The following PLCH2 variants were observed in gnomAD, a reference collection of about 807,000 sequenced individuals.
The protein encoded by PLCH2 is phospholipase C eta 2.
In PLCH2, 98 loss-of-function variants were observed where a neutral mutation model predicts 134.7. The observed-to-expected ratio is 0.73, with a 90% CI of 0.62 to 0.86. PLCH2 has a LOEUF of 0.86. Among genes scored for constraint, PLCH2 ranks in the 40% least tolerant of loss-of-function variants. The pLI is 0.00. For missense variants in PLCH2, 1,994 were observed against 1,986.6 expected (o/e 1.00, Z -0.07); for synonymous variants, 974 against 827.5 (o/e 1.18, Z -3.04).
chr1:2,449,772 G>T (rs1338699562), intron 2 of PLCH2, among the ~76,000 whole-genome samples: 1 of 152,204 alleles, frequency 6.6e-6, no homozygotes, highest in Non-Finnish European at 1.5e-5. Context: ...TATGGGCAGG[G>T]CTGTGTGGCT....
Position 2,491,211 on chromosome 1 carries a change from G to C in PLCH2, c.1535G>C (p.Arg512Pro), listed in dbSNP as rs532800575. The C allele has an allele frequency of 4.3e-6, 7 of 1,612,706 alleles. No individual in the cohort carries two copies. In the Admixed American group the frequency reaches 1.2e-4, roughly 27 times the overall value. The change falls in exon 11 of 22, where the codon CGT (arginine) becomes CCT (proline). Residue 512 changes from arginine to proline, a missense_variant. By Grantham distance (103) the Arg-to-Pro change is moderately radical. Coordinates refer to ENST00000378486, the MANE Select transcript of PLCH2 (RefSeq NM_014638.4). Reference sequence around the variant, plus strand: ...CTGCAGGCATCCACCAATCGAAAGCGTGTAGAAAACACTGCTAAGAGGAAA... The same window carrying C: ...CTGCAGGCATCCACCAATCGAAAGCCTGTAGAAAACACTGCTAAGAGGAAA... Reference protein sequence around the residue: ...LNGDASTNRKRVENTAKRKLD... With the variant: ...LNGDASTNRKPVENTAKRKLD...
intron 13 of PLCH2, 66 bp from the exon 14 acceptor site, chr1:2,496,541 C>G: frequency 1.5e-6 from 2 of 1,349,124 alleles, no homozygotes; most frequent in South Asian, 2.5e-5. Context: ...TGGAGCCCGT[C>G]TCACGGAGCT....
intron 2 of PLCH2, among the ~76,000 whole-genome samples, chr1:2,462,341 A>C (rs1570345785): frequency 3.7e-4 from 10 of 26,790 alleles, no homozygotes; most frequent in African/African-American, 6.1e-4. Context: ...TCTGCCTGAC[A>C]CCCCCTCTGC....
At chr1:2,450,129 A>G (rs867810) in intron 2 of PLCH2, among the ~76,000 whole-genome samples, 93,972 of 152,190 alleles carry the variant, frequency 0.62, 30,725 homozygotes, top group East Asian at 0.87. Flanking sequence ...AGGAACAGGC[A>G]CCCTGGGCAG....
chr1:2,503,642 A>G (rs1643361371), intron 21 of PLCH2: 2 of 694,944 alleles, frequency 2.9e-6, no homozygotes, highest in South Asian at 3.0e-5. Flanking sequence ...GGCGAGTGAC[A>G]GGTAACGGGG....
At chr1:2,489,899 T>C (rs1642477459) in intron 10 of PLCH2, 32 bp downstream of exon 10, 1 of 1,460,600 alleles carries the variant, frequency 6.8e-7, no homozygotes, top group Non-Finnish European at 9.6e-7. Flanking sequence ...GGGGGGCGCG[T>C]GGAGCCTGCA....
At chr1:2,477,290 CT>C (rs1420396710) in intron 1 of PLCH2, among the ~76,000 whole-genome samples, 1 of 152,182 alleles carries the variant, frequency 6.6e-6, no homozygotes, top group Non-Finnish European at 1.5e-5. Context: ...TGCCTCACCC[CT>C]CTCCTAAATC....
Position 2,489,278 on chromosome 1 carries a change from C to A in PLCH2, c.1307C>A (p.Thr436Asn). 1 of 1,613,862 alleles carries A rather than the reference C, an allele frequency of 6.2e-7. No homozygotes were observed. The highest frequency in any genetic ancestry group is 1.1e-5 in the South Asian group (1 of 91,090). ...IQQKKMAQYL[T>N]DILGDKLDLS... ...CAGAAGAAAATGGCCCAGTATCTGA[C>A]TGACATCCTTGGGGACAAGCTGGAC... The change falls in exon 9 of 22, where the codon ACT becomes AAT. Residue 436 changes from threonine to asparagine, a missense_variant. Coordinates refer to ENST00000378486, the MANE Select transcript of PLCH2 (RefSeq NM_014638.4).
upstream of PLCH2, among the ~76,000 whole-genome samples, chr1:2,424,818 T>G (rs555495785): frequency 6.6e-6 from 1 of 152,232 alleles, no homozygotes; most frequent in Admixed American, 6.5e-5. Context: ...AAACCCTGTC[T>G]CTACTAAAAA....
chr1:2,454,703 G>T (rs886890733), intron 2 of PLCH2, among the ~76,000 whole-genome samples: 1 of 152,166 alleles, frequency 6.6e-6, no homozygotes, highest in African/African-American at 2.4e-5. Context: ...CCAGGGTCTG[G>T]GATAAACCGG....
intron 15 of PLCH2, 36 bp downstream of exon 15, chr1:2,497,046 A>C (rs542064897): frequency 1.3e-6 from 2 of 1,594,084 alleles, no homozygotes; most frequent in African/African-American, 2.7e-5. Context: ...TGTGGTGGGG[A>C]GGGCTCGGCT....
chr1:2,438,898 C>T (rs1399514893), intron 2 of PLCH2, among the ~76,000 whole-genome samples: 1 of 152,200 alleles, frequency 6.6e-6, no homozygotes, highest in Non-Finnish European at 1.5e-5. Flanking sequence ...GGGCAATTCA[C>T]GGCAGCATTG....
At chr1:2,450,616 C>T (rs1424045452) in intron 2 of PLCH2, among the ~76,000 whole-genome samples, 5 of 89,976 alleles carry the variant, frequency 5.6e-5, no homozygotes, top group Non-Finnish European at 1.1e-4. Context: ...CTCGGCCTGC[C>T]CTCCAACTCC....
In PLCH2 at chr1:2,478,557, A is replaced by G; in HGVS notation, c.206A>G (p.Tyr69Cys). 6.2e-7 allele frequency: 1 copy of G among 1,612,700 alleles called. No individual in the cohort carries two copies. Among genetic ancestry groups the G allele is most frequent in the Non-Finnish European group, 8.5e-7 (1 of 1,179,766 alleles). The change falls in exon 2 of 22, where the codon TAC (tyrosine) becomes TGC (cysteine). Residue 69 changes from tyrosine (Y) to cysteine (C), a missense_variant. By Grantham distance (194) the Tyr-to-Cys change is radical (BLOSUM62 -2). Transcript: ENST00000378486. The part of the protein sequence containing the change: ...RGGSKGLVRF[Y>C]YLDEHRSCIR... ...GGCTCCAAGGGCCTGGTCCGCTTCTACTACCTGGACGAGCACCGCTCCTGC... is the reference window on the plus strand; with the variant it reads ...GGCTCCAAGGGCCTGGTCCGCTTCTGCTACCTGGACGAGCACCGCTCCTGC...
upstream of PLCH2, among the ~76,000 whole-genome samples, chr1:2,464,605 A>G (rs1640969903): frequency 6.6e-6 from 1 of 152,100 alleles, no homozygotes. Flanking sequence ...GAGGGGGGCC[A>G]CCTCCTGCTC....
intron 4 of PLCH2, among the ~76,000 whole-genome samples, chr1:2,481,324 G>A (rs1162132795): frequency 6.6e-6 from 1 of 152,270 alleles, no homozygotes; most frequent in African/African-American, 2.4e-5. Context: ...GAAGGCCCCA[G>A]TGGGGACACA....
chr1:2,440,833 G>A (rs1246699374), intron 2 of PLCH2, among the ~76,000 whole-genome samples: 2 of 152,248 alleles, frequency 1.3e-5, no homozygotes, highest in African/African-American at 2.4e-5. Flanking sequence ...TCTCATTGCT[G>A]TTGGTGTCAT....
chr1:2,464,503 T>G (rs1277899725), upstream of PLCH2, among the ~76,000 whole-genome samples: 4 of 152,228 alleles, frequency 2.6e-5, no homozygotes. Flanking sequence ...GCTGGCCGTG[T>G]CTTCCTGAAC....
In PLCH2 at chr1:2,479,858, G is replaced by A. The variant is rs1475736265; in HGVS notation, c.396G>A (p.Ser132=). The A allele has an allele frequency of 3.7e-6, 6 of 1,611,086 alleles. No homozygotes were observed. The highest frequency in any genetic ancestry group is 1.3e-5 in the African/African-American group (1 of 74,866). Residue 132 remains serine, a synonymous_variant, in exon 3 of 22, where the codon TCG becomes TCA. Transcript: ENST00000378486. ...FSIYHGSHRE[S]LDLVSTSSEV... ...TCTACCACGGCAGCCACCGCGAGTC[G>A]CTGGACCTGGTCTCCACCAGCAGCG...
Sources: allele counts gnomAD v4.1 joint callset (sites outside exome capture counted in the v4.1 genomes callset), GRCh38; gene constraint gnomAD v4.1.1; transcripts MANE v1.5; gene names NCBI Gene and HGNC (gene_info 2026-07-23, HGNC 2026-07-21).